SPIDR: variants seen among roughly 807,000 people sequenced by gnomAD.
The protein encoded by SPIDR is scaffold protein involved in DNA repair.
SPIDR carries 93 observed loss-of-function variants against 104.6 expected under a neutral mutation model. The ratio of observed to expected loss-of-function variants is 0.89; its 90% CI spans 0.75 to 1.06. SPIDR has a LOEUF of 1.06. Ranked by LOEUF, SPIDR falls within the 50% of genes least tolerant of loss-of-function variation. The pLI is 0.00. For synonymous variants in SPIDR, 431 were observed against 416.9 expected (o/e 1.03, Z -0.41); for missense variants, 1,154 against 1,111.2 (o/e 1.04, Z -0.55).
At chr8:47,669,513 G>A (rs192309120) in intron 10 of SPIDR, among the ~76,000 whole-genome samples, 13 of 152,282 alleles carry the variant, frequency 8.5e-5, no homozygotes, top group East Asian at 3.9e-4. Context: ...GTGATAACTC[G>A]TCTCTAGGGC....
At chr8:47,682,673 T>G (rs1001333315) in intron 11 of SPIDR, among the ~76,000 whole-genome samples, 1 of 152,102 alleles carries the variant, frequency 6.6e-6, no homozygotes, top group South Asian at 2.1e-4. Flanking sequence ...AGTTGGAAAA[T>G]AATAGTTTCT....
intron 8 of SPIDR, among the ~76,000 whole-genome samples, chr8:47,569,187 A>G (rs1412048486): frequency 6.6e-6 from 1 of 152,228 alleles, no homozygotes; most frequent in Non-Finnish European, 1.5e-5. Context: ...AGGACACTAT[A>G]TATTAATTAA....
At chr8:47,314,423 G>T (rs1554588024) in intron 5 of SPIDR, among the ~76,000 whole-genome samples, 1 of 152,188 alleles carries the variant, frequency 6.6e-6, no homozygotes, top group African/African-American at 2.4e-5. Flanking sequence ...TCGAAACTGG[G>T]TAATTTATGA....
chr8:47,511,443 A>C, intron 8 of SPIDR: 1 of 791,058 alleles, frequency 1.3e-6, no homozygotes, highest in South Asian at 1.4e-5. Flanking sequence ...GTTCCTCCAT[A>C]TCCAAGTTCG....
intron 5 of SPIDR, among the ~76,000 whole-genome samples, chr8:47,381,625 A>G (rs565819162): frequency 5.5e-4 from 84 of 152,218 alleles, no homozygotes; most frequent in Non-Finnish European, 1.1e-3. Flanking sequence ...CTATTCGGGC[A>G]GGTCTGGGCC....
intron 8 of SPIDR, among the ~76,000 whole-genome samples, chr8:47,467,688 A>T (rs909987029): frequency 5.9e-5 from 9 of 151,846 alleles, no homozygotes; most frequent in Admixed American, 5.9e-4. Flanking sequence ...TCTGAATTAC[A>T]TATTGAAGGA....
intron 5 of SPIDR, among the ~76,000 whole-genome samples, chr8:47,380,744 G>A (rs1394978801): frequency 6.6e-6 from 1 of 152,162 alleles, no homozygotes; most frequent in Admixed American, 6.5e-5. Flanking sequence ...TTTCAGAGGT[G>A]TAACTATGGG....
intron 8 of SPIDR, among the ~76,000 whole-genome samples, chr8:47,446,861 A>G (rs547748380): frequency 6.6e-6 from 1 of 152,342 alleles, no homozygotes; most frequent in East Asian, 1.9e-4. Flanking sequence ...CTGGGATTAC[A>G]GGTGTGAACT....
intron 5 of SPIDR, among the ~76,000 whole-genome samples, chr8:47,320,944 A>G (rs1460193352): frequency 1.3e-5 from 2 of 152,224 alleles, no homozygotes; most frequent in African/African-American, 4.8e-5. Context: ...GATGGGACGT[A>G]TCTCAAAATA....
At chr8:47,703,047 G>C (rs1008729752) in intron 14 of SPIDR, among the ~76,000 whole-genome samples, 1 of 152,148 alleles carries the variant, frequency 6.6e-6, no homozygotes, top group Non-Finnish European at 1.5e-5. Flanking sequence ...ACTATGCCTG[G>C]TTATCAAGAT....
In SPIDR at chr8:47,316,757, C is replaced by G. The variant is rs587599735; in HGVS notation, c.525+22727C>G. 2.6e-5 allele frequency among the ~76,000 whole-genome samples: 4 copies of G among 152,144 alleles called. No individual in the cohort carries two copies. The East Asian group carries it at 7.7e-4, about 29-fold the overall frequency. On this transcript the variant is annotated intron_variant, in intron 5 of 19. Transcript: ENST00000297423. ...CTGGGTGATAGGAAGTATTTTATTT[C>G]TTGTTTGGAGTTTGAGTTCAGTGCT...
At chr8:47,689,565 C>T (rs966914218) in intron 11 of SPIDR, among the ~76,000 whole-genome samples, 1 of 152,218 alleles carries the variant, frequency 6.6e-6, no homozygotes, top group African/African-American at 2.4e-5. Flanking sequence ...GGGGTTAAAG[C>T]TCACTTTCAC....
At chr8:47,420,180 G>C (rs540003997) in intron 7 of SPIDR, among the ~76,000 whole-genome samples, 10 of 152,132 alleles carry the variant, frequency 6.6e-5, no homozygotes, top group South Asian at 4.1e-4. Context: ...TGTTAACTTT[G>C]TGTCTCGTTG....
intron 10 of SPIDR, among the ~76,000 whole-genome samples, chr8:47,666,081 A>G (rs899101977): frequency 3.9e-5 from 6 of 152,204 alleles, no homozygotes; most frequent in African/African-American, 1.2e-4. Context: ...TGATTAACCA[A>G]TTTTTAAGTA....
chr8:47,294,914 G>T (rs2040567645), intron 5 of SPIDR, among the ~76,000 whole-genome samples: 1 of 151,612 alleles, frequency 6.6e-6, no homozygotes, highest in Non-Finnish European at 1.5e-5. Context: ...TCCCCTTTTC[G>T]TTTCCTCCTG....
At chr8:47,701,465 A>G (rs193200079) in intron 12 of SPIDR, among the ~76,000 whole-genome samples, 19 of 152,282 alleles carry the variant, frequency 1.2e-4, no homozygotes, top group African/African-American at 4.3e-4. Context: ...AGAGGAAGTA[A>G]TTTCTAGATG....
At chr8:47,480,361 G>C (rs774652204) in intron 8 of SPIDR, among the ~76,000 whole-genome samples, 4 of 152,204 alleles carry the variant, frequency 2.6e-5, no homozygotes, top group Non-Finnish European at 4.4e-5. Flanking sequence ...GTCTCTTAAT[G>C]TGTGGGTTAA....
chr8:47,355,197 C>T (rs1451134291), intron 5 of SPIDR, among the ~76,000 whole-genome samples: 1 of 151,364 alleles, frequency 6.6e-6, no homozygotes. Context: ...CTCAGGTGGT[C>T]CACCCACCTT....
chr8:47,437,923 T>C (rs184989104), intron 7 of SPIDR, among the ~76,000 whole-genome samples: 52 of 152,378 alleles, frequency 3.4e-4, no homozygotes, highest in African/African-American at 1.2e-3. Context: ...CATGCTGCTA[T>C]AAAGTAATCT....
Sources: allele counts gnomAD v4.1 joint callset (sites outside exome capture counted in the v4.1 genomes callset), GRCh38; gene constraint gnomAD v4.1.1; transcripts MANE v1.5; gene names NCBI Gene and HGNC (gene_info 2026-07-23, HGNC 2026-07-21).